The following PTPN13 variants were observed in gnomAD, a reference collection of about 807,000 sequenced individuals.
PTPN13 encodes the protein tyrosine-protein phosphatase non-receptor type 13.
In PTPN13, 191 loss-of-function variants were observed where a neutral mutation model predicts 284.0. The ratio of observed to expected loss-of-function variants is 0.67; its 90% CI spans 0.60 to 0.76. The LOEUF is 0.76. Among genes scored for constraint, PTPN13 ranks in the 30% least tolerant of loss-of-function variants. The pLI is 0.00. For missense variants in PTPN13, 2,797 were observed against 2,939.9 expected, an observed-to-expected ratio of 0.95 and a Z score of 1.12; for synonymous variants, 986 against 1,022.3, an observed-to-expected ratio of 0.96 and a Z score of 0.68.
chr4:86,763,605 A>C (rs888662292), intron 24 of PTPN13, among the ~76,000 whole-genome samples: 2 of 152,250 alleles, frequency 1.3e-5, no homozygotes, highest in African/African-American at 4.8e-5. Context: ...GATGATAACG[A>C]CATTGAAAAT....
Position 86,732,411 on chromosome 4 carries a change from C to T in PTPN13, c.1620C>T (p.Gly540=), listed in dbSNP as rs1174665561. ...MTQRKLRNFF[G]PEFVKMTIEP... is the part of the protein sequence containing the mutation. ...TATGTGATTTGCAGAATTTCTTTGGCCCTGAGTTTGTGAAAATGACAATTG... is the reference window on the plus strand; with the variant it reads ...TATGTGATTTGCAGAATTTCTTTGGTCCTGAGTTTGTGAAAATGACAATTG... Residue 540 remains glycine, a synonymous_variant, in exon 11 of 48, where the codon GGC becomes GGT. Transcript: ENST00000411767. 6.3e-7 allele frequency: 1 copy of T among 1,595,100 alleles called. No individual in the cohort carries two copies. Among genetic ancestry groups the T allele is most frequent in the South Asian group, 1.1e-5 (1 of 88,008 alleles).
intron 5 of PTPN13, among the ~76,000 whole-genome samples, chr4:86,692,838 G>C (rs1730170663): frequency 6.6e-6 from 1 of 152,106 alleles, no homozygotes; most frequent in African/African-American, 2.4e-5. Context: ...CCAGCACTTT[G>C]GGAGGCCAAG....
intron 47 of PTPN13, among the ~76,000 whole-genome samples, chr4:86,812,906 T>G (rs889198620): frequency 2.6e-5 from 4 of 151,988 alleles, no homozygotes; most frequent in African/African-American, 9.7e-5. Flanking sequence ...TGTAGTGTTA[T>G]AAGCAAAGAG....
intron 30 of PTPN13, among the ~76,000 whole-genome samples, chr4:86,770,461 A>G (rs1167382153): frequency 6.6e-6 from 1 of 152,202 alleles, no homozygotes; most frequent in Admixed American, 6.5e-5. Flanking sequence ...CACTGATACT[A>G]GTTATTATGT....
chr4:86,715,219 TGTGTGTGTGTATATAC>T (rs1732879072), intron 7 of PTPN13, among the ~76,000 whole-genome samples: 2 of 148,854 alleles, frequency 1.3e-5, no homozygotes, highest in Admixed American at 1.4e-4. Context: ...TTTGTGTGTA[TGTGTGTGTGTATATAC>T]GTGTGTGTGT....
Position 86,769,966 on chromosome 4 carries a change from A to C in PTPN13, c.4687A>C (p.Lys1563Gln), listed in dbSNP as rs1410116845. Reference sequence around the variant, plus strand: ...CTTGAAAGTGAATGGAGCCTCTTTGAAAGGACTATCTCAGCAGGTGAGCCC... The same window carrying C: ...CTTGAAAGTGAATGGAGCCTCTTTGCAAGGACTATCTCAGCAGGTGAGCCC... The part of the protein sequence containing the change: ...VILKVNGASL[K>Q]GLSQQEVISA... Residue 1563 changes from lysine to glutamine, a missense_variant, in exon 29 of 48, where the codon AAA becomes CAA. Coordinates refer to ENST00000411767, the MANE Select transcript of PTPN13 (RefSeq NM_080683.3). 6.2e-7 allele frequency: 1 copy of C among 1,613,966 alleles called. No individual in the cohort carries two copies. The highest frequency in any genetic ancestry group is 1.1e-5 in the South Asian group (1 of 91,082).
At chr4:86,717,249 C>T (rs577906226) in intron 9 of PTPN13, 132 bp downstream of exon 9, 23 of 602,916 alleles carry the variant, frequency 3.8e-5, no homozygotes, top group African/African-American at 2.3e-4. Flanking sequence ...AGTGCAGTGG[C>T]GCAATCTCGG....
At chr4:86,752,599 C>G (rs17454655) in intron 19 of PTPN13, among the ~76,000 whole-genome samples, 12,390 of 152,150 alleles carry the variant, frequency 0.081, 646 homozygotes, top group Non-Finnish European at 0.11. Flanking sequence ...CATGAAAATT[C>G]ATTACATATC....
chr4:86,595,304 G>C (rs903090622), intron 1 of PTPN13, among the ~76,000 whole-genome samples: 1 of 151,872 alleles, frequency 6.6e-6, no homozygotes, highest in African/African-American at 2.4e-5. Flanking sequence ...GGGGGCAGAG[G>C]GAGAGACACT....
At chr4:86,795,967 A>C (rs1225285321) in intron 40 of PTPN13, among the ~76,000 whole-genome samples, 1 of 151,162 alleles carries the variant, frequency 6.6e-6, no homozygotes, top group Non-Finnish European at 1.5e-5. Flanking sequence ...ACAGCAAACC[A>C]ACAAGGCACA....
In PTPN13 at chr4:86,701,651, A is replaced by T; in HGVS notation, c.1045A>T (p.Ile349Leu). ...GGAGGCAAGATACTCAGATGGAAGT[A>T]TAGCCTTGGATATCTTTGGCCCTCA... is the stretch of plus-strand genomic sequence containing the variant. The part of the protein sequence containing the change: ...KKEARYSDGS[I>L]ALDIFGPQKM... Residue 349 changes from isoleucine to leucine, a missense_variant, in exon 7 of 48, where the codon ATA (isoleucine) becomes TTA (leucine). Coordinates refer to ENST00000411767, the MANE Select transcript of PTPN13 (RefSeq NM_080683.3). 6.2e-7 allele frequency: 1 copy of T among 1,613,980 alleles called. No homozygotes were observed. The highest frequency in any genetic ancestry group is 8.5e-7 in the Non-Finnish European group (1 of 1,179,870).
chr4:86,812,639 C>G (rs1205597830), intron 47 of PTPN13, among the ~76,000 whole-genome samples: 3 of 150,102 alleles, frequency 2.0e-5, no homozygotes, highest in Non-Finnish European at 3.0e-5. Context: ...GGGACAAGAG[C>G]CTTTCAGGCA....
intron 1 of PTPN13, among the ~76,000 whole-genome samples, chr4:86,622,973 C>T (rs914872873): frequency 5.9e-5 from 9 of 152,198 alleles, no homozygotes; most frequent in Admixed American, 4.6e-4. Flanking sequence ...GTAACTCCCT[C>T]CTGCCAATTT....
intron 10 of PTPN13, among the ~76,000 whole-genome samples, chr4:86,727,709 T>C (rs1734443468): frequency 6.7e-6 from 1 of 149,454 alleles, no homozygotes; most frequent in Non-Finnish European, 1.5e-5. Context: ...TCTCTTTTCT[T>C]CTTTATTAGT....
chr4:86,724,090 T>C (rs2149096690), intron 10 of PTPN13, among the ~76,000 whole-genome samples: 1 of 152,332 alleles, frequency 6.6e-6, no homozygotes, highest in East Asian at 1.9e-4. Context: ...TTTATGTAAA[T>C]TTTAAAACCT....
intron 38 of PTPN13, 73 bp downstream of exon 38, chr4:86,784,631 T>TA: frequency 1.1e-6 from 1 of 945,532 alleles, no homozygotes; most frequent in Non-Finnish European, 1.6e-6. Context: ...AAAATAGGTA[T>TA]CCTCTTTTCT....
intron 20 of PTPN13, among the ~76,000 whole-genome samples, chr4:86,757,322 G>A (rs563626996): frequency 6.6e-6 from 1 of 152,236 alleles, no homozygotes; most frequent in Admixed American, 6.5e-5. Flanking sequence ...ATTATGTTGA[G>A]CAGGTCACTA....
intron 1 of PTPN13, among the ~76,000 whole-genome samples, chr4:86,621,704 T>A (rs1344390683): frequency 6.6e-6 from 1 of 152,236 alleles, no homozygotes; most frequent in East Asian, 1.9e-4. Context: ...ACTGCATTAC[T>A]TTTTTAAACA....
At chr4:86,765,518 A>G (rs773277541) in intron 26 of PTPN13, 30 bp downstream of exon 26, 1 of 1,405,920 alleles carries the variant, frequency 7.1e-7, no homozygotes, top group African/African-American at 1.4e-5. Context: ...TGGGAATTAT[A>G]TGTATGAATA....
Sources: gnomAD v4.1 joint callset for allele counts (sites outside exome capture counted in the v4.1 genomes callset) on GRCh38, gnomAD v4.1.1 for gene constraint, MANE v1.5 for transcripts, NCBI Gene and HGNC (gene_info 2026-07-23, HGNC 2026-07-21) for gene names.